FBXO30: variants seen among roughly 807,000 people sequenced by gnomAD.
FBXO30 encodes the protein F-box only protein 30.
Under a neutral mutation model 58.1 loss-of-function variants are expected in FBXO30, and 21 were observed. The observed-to-expected ratio is 0.36, with a 90% CI of 0.26 to 0.52. The LOEUF is 0.52. Ranked by LOEUF, FBXO30 falls within the 20% of genes least tolerant of loss-of-function variation. FBXO30 has a pLI of 0.93. For missense variants in FBXO30, 744 were observed against 897.3 expected (o/e 0.83, Z 2.18); for synonymous variants, 309 against 312.4 (o/e 0.99, Z 0.11).
chr6:145,807,390 T>C (rs894019241), intron 1 of FBXO30, among the ~76,000 whole-genome samples: 46 of 152,184 alleles, frequency 3.0e-4, no homozygotes, highest in Non-Finnish European at 6.6e-4. Context: ...AGGCATTCAA[T>C]GCAGAAGTAA....
In FBXO30 at chr6:145,794,628, T is replaced by A. The variant is rs566644576; in HGVS notation, c.*5478A>T. 1 of 151,884 alleles carries A rather than the reference T, an allele frequency of 6.6e-6. No homozygotes were observed. The highest frequency in any genetic ancestry group is 2.4e-5 in the African/African-American group (1 of 41,418). The allele number at this position is 151,884 out of a possible 1,614,324, so 9.4% of individuals were successfully genotyped here. On this transcript the variant is annotated 3_prime_UTR_variant, in exon 3 of 3. Coordinates refer to ENST00000237281, the MANE Select transcript of FBXO30 (RefSeq NM_032145.5). ...ATCAATTGATATAAAAGACATCCAG[T>A]TGACATAATCATTCATTGGGTAATT...
At position 145,814,613 on chromosome 6, in the gene FBXO30, G is replaced by C. The variant is rs1778448233; in HGVS notation, c.-27C>G. The C allele has an allele frequency of 6.6e-6, 1 of 151,956 alleles. No homozygotes were observed. Among genetic ancestry groups the C allele is most frequent in the African/African-American group, 2.4e-5 (1 of 41,422 alleles). 9.4% of individuals were successfully genotyped at this position (151,956 alleles called of 1,614,324 possible). A position where few individuals can be genotyped will look rare whatever the true frequency, so the allele number is the denominator to read the frequency against. ...CCTCCCGTCACTCACCGGCCGGCGC[G>C]GCCGAACCGCGGCCCAGGCCCTAGC... On this transcript the variant is annotated 5_prime_UTR_variant, in exon 1 of 3. Transcript: ENST00000237281.
Position 145,799,748 on chromosome 6 carries a change from A to T in FBXO30, c.*358T>A, listed in dbSNP as rs762690872. ...AATCAAAATTTTGCTTTTTGATTGC[A>T]TGGGTCGCAACCCACAGAAAACAAC... is the stretch of plus-strand genomic sequence containing the variant. On this transcript the variant is annotated 3_prime_UTR_variant, in exon 3 of 3. Coordinates refer to ENST00000237281, the MANE Select transcript of FBXO30 (RefSeq NM_032145.5). The T allele has an allele frequency of 6.4e-6, 1 of 156,830 alleles. No homozygotes were observed. The highest frequency in any genetic ancestry group is 1.9e-4 in the East Asian group (1 of 5,328). 9.7% of individuals were successfully genotyped at this position (156,830 alleles called of 1,614,324 possible). A position where few individuals can be genotyped will look rare whatever the true frequency, so the allele number is the denominator to read the frequency against.
In FBXO30 at chr6:145,795,760, T is replaced by TATAC. The variant is rs1777856988; in HGVS notation, c.*4345_*4346insGTAT. The TATAC allele has an allele frequency of 6.6e-6, 1 of 151,908 alleles. No homozygotes were observed. The highest frequency in any genetic ancestry group is 1.5e-5 in the Non-Finnish European group (1 of 67,848). The allele number at this position is 151,908 out of a possible 1,614,324, so 9.4% of individuals were successfully genotyped here. ...GCTAAGGTAACAAAGCACCTCAAGATGTATCGCCATTAATACATCTCAAGG... is the reference window on the plus strand; with the variant it reads ...GCTAAGGTAACAAAGCACCTCAAGATATACGTATCGCCATTAATACATCTCAAGG... On this transcript the variant is annotated 3_prime_UTR_variant, in exon 3 of 3. Transcript: ENST00000237281.
intron 2 of FBXO30, among the ~76,000 whole-genome samples, chr6:145,802,135 T>A (rs1778019033): frequency 6.6e-6 from 1 of 152,088 alleles, no homozygotes; most frequent in South Asian, 2.1e-4. Context: ...ATCAATCAAT[T>A]TCAAAACAGT....
Position 145,804,983 on chromosome 6 carries a change from C to T in FBXO30, c.1423G>A (p.Gly475Arg). 6.2e-7 allele frequency: 1 copy of T among 1,613,874 alleles called. No homozygotes were observed. Among genetic ancestry groups the T allele is most frequent in the Non-Finnish European group, 8.5e-7 (1 of 1,179,924 alleles). ...SAILATSTMV[G>R]EIASASACDH... ...CAAGCTGAAGCTGAAGCTATCTCCC[C>T]AACCATTGTACTTGTAGCTAATATT... Residue 475 changes from glycine to arginine, a missense_variant, in exon 2 of 3, where the codon GGG (glycine) becomes AGG (arginine). Physicochemically the swap from Gly to Arg is moderately radical, Grantham distance 125. This residue lies in a region of FBXO30 where 334 missense variants were observed against 433.7 expected (regional missense o/e 0.77). Coordinates refer to ENST00000237281, the MANE Select transcript of FBXO30 (RefSeq NM_032145.5).
In FBXO30 at chr6:145,799,122, A is replaced by C. The variant is rs2128664294; in HGVS notation, c.*984T>G. 6.6e-6 allele frequency: 1 copy of C among 152,116 alleles called. No homozygotes were observed. Among genetic ancestry groups the C allele is most frequent in the East Asian group, 1.9e-4 (1 of 5,174 alleles). 9.4% of individuals were successfully genotyped at this position (152,116 alleles called of 1,614,324 possible). A position where few individuals can be genotyped will look rare whatever the true frequency, so the allele number is the denominator to read the frequency against. On this transcript the variant is annotated 3_prime_UTR_variant, in exon 3 of 3. Transcript: ENST00000237281. The stretch of plus-strand genomic sequence containing the variant: ...TCGGAAATGTTTCAAAGAGATTGTC[A>C]ACCAAGACAGGTTTCTACATGATTG...
At chr6:145,808,251 C>G (rs1217219352) in intron 1 of FBXO30, among the ~76,000 whole-genome samples, 1 of 150,902 alleles carries the variant, frequency 6.6e-6, no homozygotes, top group Non-Finnish European at 1.5e-5. Flanking sequence ...AAAAAAACGT[C>G]TAATTTCCTA....
In FBXO30 at chr6:145,800,000, CAAT is replaced by C. The variant is rs1777946630; in HGVS notation, c.*103_*105del. 1.2e-6 allele frequency: 1 copy of C among 802,910 alleles called. No homozygotes were observed. Among genetic ancestry groups the C allele is most frequent in the Non-Finnish European group, 2.0e-6 (1 of 507,994 alleles). The allele number at this position is 802,910 out of a possible 1,614,324, so 49.7% of individuals were successfully genotyped here. ...CTTCAAAACATTATATACACAGTGA[CAAT>C]AAATTTAGCTAGTTGTAATATTTAA... On this transcript the variant is annotated 3_prime_UTR_variant, in exon 3 of 3. Transcript: ENST00000237281.
intron 1 of FBXO30, among the ~76,000 whole-genome samples, chr6:145,813,769 A>G (rs917561316): frequency 3.3e-5 from 5 of 152,226 alleles, no homozygotes; most frequent in African/African-American, 1.2e-4. Context: ...CGAAGTAATC[A>G]TGGAATAAAA....
rs1406900294 is a variant in FBXO30, at chr6:145,806,030, G to A, written c.376C>T (p.Leu126Phe). Residue 126 changes from leucine (L) to phenylalanine (F), a missense_variant, in exon 2 of 3, where the codon CTT (leucine) becomes TTT (phenylalanine). This residue lies in a region of FBXO30 where 135 missense variants were observed against 201.6 expected (regional missense o/e 0.67). Transcript: ENST00000237281. ...TCTAAGAGCATCCTTTGGTCTTGAA[G>A]AGCCAAGGCCATATCCAATTGTGCC... ...EVAQLDMALA[L>F]QDQRMLLESL... 2 of 1,613,986 alleles carry A rather than the reference G, an allele frequency of 1.2e-6. No individual in the cohort carries two copies. Among genetic ancestry groups the A allele is most frequent in the Non-Finnish European group, 1.7e-6 (2 of 1,179,952 alleles).
intron 2 of FBXO30, among the ~76,000 whole-genome samples, chr6:145,802,594 C>T (rs1165504511): frequency 1.3e-5 from 2 of 152,218 alleles, no homozygotes; most frequent in East Asian, 1.9e-4. Context: ...TATTAAGGAG[C>T]TGGGCTCTAT....
At chr6:145,811,598 AAAAG>A (rs60021044) in intron 1 of FBXO30, among the ~76,000 whole-genome samples, 1 of 152,364 alleles carries the variant, frequency 6.6e-6, no homozygotes, top group African/African-American at 2.4e-5. Context: ...ACTGGGTTCA[AAAAG>A]AAAGGAAGGG....
At chr6:145,813,438 A>T (rs1236689149) in intron 1 of FBXO30, among the ~76,000 whole-genome samples, 1 of 152,240 alleles carries the variant, frequency 6.6e-6, no homozygotes, top group Non-Finnish European at 1.5e-5. Flanking sequence ...GATGAGAAAC[A>T]GTGACTAAGC....
In FBXO30 at chr6:145,805,649, T is replaced by A; in HGVS notation, c.757A>T (p.Asn253Tyr). 1.2e-6 allele frequency: 2 copies of A among 1,614,134 alleles called. No individual in the cohort carries two copies. Among genetic ancestry groups the A allele is most frequent in the Non-Finnish European group, 1.7e-6 (2 of 1,179,998 alleles). Residue 253 changes from asparagine (N) to tyrosine (Y), a missense_variant, in exon 2 of 3, where the codon AAT (asparagine) becomes TAT (tyrosine). Physicochemically the swap from Asn to Tyr is moderately radical, Grantham distance 143. Coordinates refer to ENST00000237281, the MANE Select transcript of FBXO30 (RefSeq NM_032145.5). ...EIGAVGGIDY[N>Y]DTNQNAQSEQ... ...GACTGGGCATTCTGATTTGTGTCATTGTAGTCAATTCCACCTACTGCTCCT... is the reference window on the plus strand; with the variant it reads ...GACTGGGCATTCTGATTTGTGTCATAGTAGTCAATTCCACCTACTGCTCCT...
At position 145,794,899 on chromosome 6, in the gene FBXO30, A is replaced by C. The variant is rs1777840202; in HGVS notation, c.*5207T>G. On this transcript the variant is annotated 3_prime_UTR_variant, in exon 3 of 3. Transcript: ENST00000237281. ...ACTAAATTCAGGGTCACCTCACCAG[A>C]AAATTAATGTCATGGGATAAAGAAG... is the stretch of plus-strand genomic sequence containing the variant. 1 of 151,874 alleles carries C rather than the reference A, an allele frequency of 6.6e-6. No individual in the cohort carries two copies. The highest frequency in any genetic ancestry group is 2.1e-4 in the South Asian group (1 of 4,836). 9.4% of individuals were successfully genotyped at this position (151,874 alleles called of 1,614,324 possible).
In FBXO30 at chr6:145,799,998, G is replaced by A; in HGVS notation, c.*108C>T. On this transcript the variant is annotated 3_prime_UTR_variant, in exon 3 of 3. Transcript: ENST00000237281. ...CACTTCAAAACATTATATACACAGT[G>A]ACAATAAATTTAGCTAGTTGTAATA... 6 of 796,890 alleles carry A rather than the reference G, an allele frequency of 7.5e-6. No homozygotes were observed. The highest frequency in any genetic ancestry group is 1.2e-5 in the Non-Finnish European group (6 of 503,538). The allele number at this position is 796,890 out of a possible 1,614,324, so 49.4% of individuals were successfully genotyped here. A position where few individuals can be genotyped will look rare whatever the true frequency, so the allele number is the denominator to read the frequency against.
At chr6:145,800,370 T>C in intron 2 of FBXO30, 61 bp from the exon 3 acceptor site, 2 of 1,401,230 alleles carry the variant, frequency 1.4e-6, no homozygotes, top group Non-Finnish European at 1.0e-6. Context: ...AAAACACACT[T>C]TTTGCTCCTA....
chr6:145,814,676 C>G lies in FBXO30; in HGVS notation c.-90G>C, dbSNP rs1778451116. On this transcript the variant is annotated 5_prime_UTR_variant, in exon 1 of 3. Transcript: ENST00000237281. ...CGTGCCCAGCTGCTCCGCTCTGTCCCGGCGACGCTCCGTACCCCACACAGC... is the reference window on the plus strand; with the variant it reads ...CGTGCCCAGCTGCTCCGCTCTGTCCGGGCGACGCTCCGTACCCCACACAGC... The G allele has an allele frequency of 6.6e-6, 1 of 152,324 alleles. No individual in the cohort carries two copies. The highest frequency in any genetic ancestry group is 1.5e-5 in the Non-Finnish European group (1 of 68,318). The allele number at this position is 152,324 out of a possible 1,614,324, so 9.4% of individuals were successfully genotyped here. A position where few individuals can be genotyped will look rare whatever the true frequency, so the allele number is the denominator to read the frequency against.
Sources: gnomAD v4.1 joint callset for allele counts (sites outside exome capture counted in the v4.1 genomes callset) on GRCh38, gnomAD v4.1.1 for gene constraint, gnomAD v4.1.1 regional missense constraint, MANE v1.5 for transcripts, NCBI Gene and HGNC (gene_info 2026-07-23, HGNC 2026-07-21) for gene names.